Variants in KCND2 observed in about 807,000 individuals in gnomAD.
KCND2 encodes A-type voltage-gated potassium channel KCND2.
In KCND2, 16 loss-of-function variants were observed where a neutral mutation model predicts 54.4. That is an observed-to-expected ratio of 0.29 (90% CI 0.20 to 0.45). The LOEUF is 0.45. Ranked by LOEUF, KCND2 falls within the 20% of genes least tolerant of loss-of-function variation. KCND2 has a pLI of 1.00. For synonymous variants in KCND2, 317 were observed against 310.7 expected (o/e 1.02, Z -0.21); for missense variants, 486 against 824.2 (o/e 0.59, Z 5.02).
chr7:120,384,986 A>G (rs1445201659), intron 1 of KCND2, among the ~76,000 whole-genome samples: 2 of 113,934 alleles, frequency 1.8e-5, no homozygotes, highest in Non-Finnish European at 3.8e-5. Flanking sequence ...AAACAAAGGC[A>G]TTTGTATATA....
At chr7:120,564,870 T>A (rs1792277563) in intron 1 of KCND2, among the ~76,000 whole-genome samples, 1 of 152,190 alleles carries the variant, frequency 6.6e-6, no homozygotes, top group Non-Finnish European at 1.5e-5. Context: ...CTGGTATATG[T>A]TTCAATCAAT....
At chr7:120,621,074 A>G (rs1793091665) in intron 1 of KCND2, among the ~76,000 whole-genome samples, 1 of 151,848 alleles carries the variant, frequency 6.6e-6, no homozygotes, top group African/African-American at 2.4e-5. Context: ...GGAGTTCGAG[A>G]CCAGCCTGAC....
rs986946239 is a variant in KCND2, at chr7:120,457,371, T to G, written c.1115+181624T>G. On this transcript the variant is annotated intron_variant, in intron 1 of 5. Transcript: ENST00000331113. Reference sequence around the variant, plus strand: ...CATCAGGCTGCACATTTTTTCAAACTTTCATGCTCTGCTCCCTCTTGAATT... The same window carrying G: ...CATCAGGCTGCACATTTTTTCAAACGTTCATGCTCTGCTCCCTCTTGAATT... Among the ~76,000 whole-genome samples the G allele has an allele frequency of 2.6e-5, 4 of 152,200 alleles. No homozygotes were observed. In the East Asian group the frequency reaches 7.7e-4, roughly 29 times the overall value.
chr7:120,407,592 C>CT (rs1015732473), intron 1 of KCND2, among the ~76,000 whole-genome samples: 1 of 151,830 alleles, frequency 6.6e-6, no homozygotes, highest in African/African-American at 2.4e-5. Context: ...AATGGACAAA[C>CT]TAAGACCAAC....
chr7:120,468,683 A>G (rs1160843869), intron 1 of KCND2, among the ~76,000 whole-genome samples: 1 of 152,110 alleles, frequency 6.6e-6, no homozygotes, highest in Non-Finnish European at 1.5e-5. Flanking sequence ...TTTTATTTAC[A>G]TATTTATGTA....
chr7:120,331,178 G>C (rs1480465910), intron 1 of KCND2, among the ~76,000 whole-genome samples: 1 of 152,032 alleles, frequency 6.6e-6, no homozygotes, highest in Non-Finnish European at 1.5e-5. Context: ...TTAACCATAT[G>C]TTCCATTCCT....
At chr7:120,611,935 T>C (rs76221786) in intron 1 of KCND2, among the ~76,000 whole-genome samples, 10,208 of 152,244 alleles carry the variant, frequency 0.067, 413 homozygotes, top group African/African-American at 0.11. Context: ...GTAGTAATAG[T>C]TCTGCTGAAT....
intron 1 of KCND2, among the ~76,000 whole-genome samples, chr7:120,558,716 C>G (rs1051771765): frequency 1.3e-5 from 2 of 152,022 alleles, no homozygotes; most frequent in African/African-American, 4.8e-5. Flanking sequence ...ATGAATTTGT[C>G]CTTTATAGGT....
intron 1 of KCND2, among the ~76,000 whole-genome samples, chr7:120,344,769 T>A (rs146341018): frequency 6.6e-6 from 1 of 152,318 alleles, no homozygotes; most frequent in Non-Finnish European, 1.5e-5. Context: ...GAGAGGAACT[T>A]ATTTTGCAAT....
At chr7:120,330,436 A>G (rs560611402) in intron 1 of KCND2, among the ~76,000 whole-genome samples, 5 of 151,722 alleles carry the variant, frequency 3.3e-5, no homozygotes, top group African/African-American at 1.2e-4. Flanking sequence ...AAAAAATTAG[A>G]TGGGCATGGT....
intron 1 of KCND2, among the ~76,000 whole-genome samples, chr7:120,300,505 A>G (rs996966068): frequency 6.6e-6 from 1 of 152,156 alleles, no homozygotes; most frequent in African/African-American, 2.4e-5. Context: ...TTTCAAAATT[A>G]TCTGAAGCAT....
intron 1 of KCND2, among the ~76,000 whole-genome samples, chr7:120,310,534 T>C (rs1030608479): frequency 2.0e-5 from 3 of 152,238 alleles, no homozygotes; most frequent in Non-Finnish European, 4.4e-5. Context: ...AGATTGAGTC[T>C]GTTTCTGTGC....
At chr7:120,310,934 CAA>C (rs1023300696) in intron 1 of KCND2, among the ~76,000 whole-genome samples, 15 of 58,096 alleles carry the variant, frequency 2.6e-4, no homozygotes, top group African/African-American at 2.8e-4. Flanking sequence ...AGACTCTGTC[CAA>C]AAAAAAAAAA....
intron 1 of KCND2, among the ~76,000 whole-genome samples, chr7:120,654,648 A>T (rs964438385): frequency 2.0e-5 from 3 of 152,202 alleles, no homozygotes; most frequent in African/African-American, 7.2e-5. Context: ...TGCATGTTCA[A>T]ATAATTACAA....
chr7:120,457,465 A>T (rs1802216830), intron 1 of KCND2, among the ~76,000 whole-genome samples: 1 of 152,170 alleles, frequency 6.6e-6, no homozygotes, highest in South Asian at 2.1e-4. Context: ...ATTTCCACAT[A>T]TCTCTAGGGC....
At chr7:120,354,174 G>A (rs190228055) in intron 1 of KCND2, among the ~76,000 whole-genome samples, 201 of 152,084 alleles carry the variant, frequency 1.3e-3, no homozygotes, top group Admixed American at 2.2e-3. Flanking sequence ...TGTCAACTAT[G>A]GTTATTCAGA....
chr7:120,485,714 C>T (rs2116289241), intron 1 of KCND2, among the ~76,000 whole-genome samples: 1 of 152,308 alleles, frequency 6.6e-6, no homozygotes, highest in Middle Eastern at 3.4e-3. Flanking sequence ...GCTATTCTTT[C>T]TAAAATATTA....
chr7:120,357,873 C>G (rs1444695295), intron 1 of KCND2, among the ~76,000 whole-genome samples: 1 of 152,056 alleles, frequency 6.6e-6, no homozygotes, highest in Non-Finnish European at 1.5e-5. Flanking sequence ...CTTCATTTGA[C>G]TTTAATTATC....
chr7:120,332,648 G>C (rs1279475162), intron 1 of KCND2, among the ~76,000 whole-genome samples: 1 of 152,040 alleles, frequency 6.6e-6, no homozygotes, highest in Non-Finnish European at 1.5e-5. Context: ...TTTTAAAGGA[G>C]GCTTTCATAA....
Sources: gnomAD v4.1 joint callset for allele counts (sites outside exome capture counted in the v4.1 genomes callset) on GRCh38, gnomAD v4.1.1 for gene constraint, MANE v1.5 for transcripts, NCBI Gene and HGNC (gene_info 2026-07-23, HGNC 2026-07-21) for gene names.